The following TRABD2B variants were observed in gnomAD, a reference collection of about 807,000 sequenced individuals.
TRABD2B encodes the protein metalloprotease TIKI2.
A neutral mutation model predicts 40.1 loss-of-function variants in TRABD2B; 14 were observed. The ratio of observed to expected loss-of-function variants is 0.35; its 90% CI spans 0.23 to 0.55. The LOEUF (loss-of-function observed/expected upper bound fraction) is 0.55. Ranked by LOEUF, TRABD2B falls within the 20% of genes least tolerant of loss-of-function variation. The probability of loss-of-function intolerance (pLI) is 0.90; values close to 1 mark genes in which losing one functional copy is unlikely to be tolerated. For synonymous variants in TRABD2B, 263 were observed against 277.0 expected (o/e 0.95, Z 0.50); for missense variants, 541 against 648.6 (o/e 0.83, Z 1.80).
At chr1:47,911,230 C>T (rs150632540) in intron 2 of TRABD2B, among the ~76,000 whole-genome samples, 9 of 152,242 alleles carry the variant, frequency 5.9e-5, no homozygotes, top group African/African-American at 1.4e-4. Flanking sequence ...AAAGGGACAC[C>T]TCAGCAGGGT....
chr1:47,855,577 C>G (rs1258678296), intron 2 of TRABD2B, among the ~76,000 whole-genome samples: 1 of 152,206 alleles, frequency 6.6e-6, no homozygotes, highest in Non-Finnish European at 1.5e-5. Flanking sequence ...TGACAGCTGT[C>G]TAGTATTTCA....
At chr1:47,902,407 C>T (rs966199373) in intron 2 of TRABD2B, among the ~76,000 whole-genome samples, 13 of 152,184 alleles carry the variant, frequency 8.5e-5, no homozygotes, top group African/African-American at 2.2e-4. Flanking sequence ...CCGAGACCCA[C>T]GAGAAGGAGT....
chr1:47,901,353 G>A (rs1042504299), intron 2 of TRABD2B, among the ~76,000 whole-genome samples: 2 of 152,230 alleles, frequency 1.3e-5, no homozygotes, highest in Admixed American at 1.3e-4. Context: ...CAGAGGAAAG[G>A]AAGTCCACAA....
chr1:47,853,209 C>T (rs1643849704), intron 2 of TRABD2B, among the ~76,000 whole-genome samples: 1 of 152,196 alleles, frequency 6.6e-6, no homozygotes, highest in South Asian at 2.1e-4. Flanking sequence ...GGGAGTTGAG[C>T]AAACACATAT....
At chr1:47,803,712 AG>A (rs2124297493) in intron 2 of TRABD2B, among the ~76,000 whole-genome samples, 1 of 152,318 alleles carries the variant, frequency 6.6e-6, no homozygotes, top group African/African-American at 2.4e-5. Flanking sequence ...TTAGGCTATG[AG>A]CTCCTTCAAG....
At chr1:47,926,216 A>G (rs1226391141) in intron 2 of TRABD2B, among the ~76,000 whole-genome samples, 2 of 152,242 alleles carry the variant, frequency 1.3e-5, no homozygotes, top group African/African-American at 2.4e-5. Flanking sequence ...AAAAAGAAGA[A>G]GAGGCTGGGT....
intron 2 of TRABD2B, among the ~76,000 whole-genome samples, chr1:47,836,638 A>T (rs1214457863): frequency 6.6e-6 from 1 of 152,228 alleles, no homozygotes; most frequent in Non-Finnish European, 1.5e-5. Context: ...CATAGACAGA[A>T]TGTTTTTGTC....
At chr1:47,966,107 GGTTTGA>G (rs1645598949) in intron 2 of TRABD2B, among the ~76,000 whole-genome samples, 3 of 152,260 alleles carry the variant, frequency 2.0e-5, no homozygotes, top group Middle Eastern at 3.4e-3. Context: ...GGGGTCTGAG[GGTTTGA>G]GTCCCATATA....
At chr1:47,780,860 G>A (rs72890295) in intron 4 of TRABD2B, among the ~76,000 whole-genome samples, 3,828 of 152,326 alleles carry the variant, frequency 0.025, 158 homozygotes, top group African/African-American at 0.086. Context: ...AAAGATCCAG[G>A]CTCCCGCCAA....
chr1:47,986,485 G>A lies in TRABD2B; in HGVS notation c.666+7549C>T, dbSNP rs541279369. Among the ~76,000 whole-genome samples the A allele has an allele frequency of 3.3e-5, 5 of 152,298 alleles. No homozygotes were observed. In the East Asian group the frequency reaches 7.7e-4, roughly 24 times the overall value. ...TGAATCAGAAGAGAAAAGACTGCCT[G>A]AGAAAAAAGTATAAACAAAATATAT... On this transcript the variant is annotated intron_variant, in intron 2 of 6. Coordinates refer to ENST00000606738, the MANE Select transcript of TRABD2B (RefSeq NM_001194986.2).
rs116614889 is a variant in TRABD2B at position 47,942,766 on chromosome 1, A to G, written c.666+51268T>C. 5.8e-3 allele frequency among the ~76,000 whole-genome samples: 880 copies of G among 152,314 alleles called. 10 individuals are homozygous for G. The highest frequency in any genetic ancestry group is 0.019 in the African/African-American group (777 of 41,566). On this transcript the variant is annotated intron_variant, in intron 2 of 6. Transcript: ENST00000606738. Reference sequence around the variant, plus strand: ...AACCTAGGAGGCAGATACTATTATTACACTTATTTTACAGTTGAAGTAACG... The same window carrying G: ...AACCTAGGAGGCAGATACTATTATTGCACTTATTTTACAGTTGAAGTAACG...
chr1:47,850,104 C>T (rs1432607637), intron 2 of TRABD2B, among the ~76,000 whole-genome samples: 1 of 152,246 alleles, frequency 6.6e-6, no homozygotes, highest in Non-Finnish European at 1.5e-5. Flanking sequence ...GGCTGGACCA[C>T]AGACAATCCT....
At chr1:47,863,395 A>ATATATATATATATATATATATATAT (rs1553159688) in intron 2 of TRABD2B, among the ~76,000 whole-genome samples, 4 of 31,986 alleles carry the variant, frequency 1.3e-4, no homozygotes, top group African/African-American at 2.1e-4. Flanking sequence ...TATATATATA[A>ATATATATATATATATATATATATAT]TCTCTTAAAA....
chr1:47,944,293 C>A (rs1344298821), intron 2 of TRABD2B, among the ~76,000 whole-genome samples: 2 of 152,080 alleles, frequency 1.3e-5, no homozygotes, highest in Non-Finnish European at 2.9e-5. Context: ...ATGGTGGGAA[C>A]TCTGGATGGT....
chr1:47,816,910 A>C lies in TRABD2B; in HGVS notation c.667-15291T>G, dbSNP rs550512050. 2.0e-5 allele frequency among the ~76,000 whole-genome samples: 3 copies of C among 152,324 alleles called. No homozygotes were observed. The East Asian group carries it at 5.8e-4, about 29-fold the overall frequency. On this transcript the variant is annotated intron_variant, in intron 2 of 6. Transcript: ENST00000606738. ...CTTTCCTGAGGTCACACAGCAAGTAAGTGGTGGATGAATGAAAATAGTCTA... is the reference window on the plus strand; with the variant it reads ...CTTTCCTGAGGTCACACAGCAAGTACGTGGTGGATGAATGAAAATAGTCTA...
At chr1:47,964,843 C>T (rs1373124580) in intron 2 of TRABD2B, among the ~76,000 whole-genome samples, 2 of 151,892 alleles carry the variant, frequency 1.3e-5, no homozygotes, top group Non-Finnish European at 2.9e-5. Context: ...ATGTACCGGC[C>T]AGGCACTGCA....
intron 2 of TRABD2B, among the ~76,000 whole-genome samples, chr1:47,803,896 C>T (rs1339994378): frequency 6.6e-6 from 1 of 152,234 alleles, no homozygotes; most frequent in Non-Finnish European, 1.5e-5. Context: ...CTGCACTCTG[C>T]ATTTTGAGGC....
chr1:47,779,869 G>C (rs1644497150), intron 4 of TRABD2B, among the ~76,000 whole-genome samples: 1 of 152,236 alleles, frequency 6.6e-6, no homozygotes, highest in African/African-American at 2.4e-5. Context: ...CATGCTGACA[G>C]CCCCAGGGAG....
At chr1:47,912,227 T>C (rs778651943) in intron 2 of TRABD2B, among the ~76,000 whole-genome samples, 2 of 152,216 alleles carry the variant, frequency 1.3e-5, no homozygotes, top group African/African-American at 4.8e-5. Context: ...CTAATCTATT[T>C]AGTTAGAAAA....
Sources: gnomAD v4.1 joint callset for allele counts (sites outside exome capture counted in the v4.1 genomes callset) on GRCh38, gnomAD v4.1.1 for gene constraint, MANE v1.5 for transcripts, NCBI Gene and HGNC (gene_info 2026-07-23, HGNC 2026-07-21) for gene names.